MYO5A: variants seen among roughly 807,000 people sequenced by gnomAD.
MYO5A encodes myosin VA, also known as unconventional myosin-Va.
In MYO5A, 98 loss-of-function variants were observed where a neutral mutation model predicts 249.7. The observed-to-expected ratio is 0.39, with a 90% CI of 0.33 to 0.46. The LOEUF is 0.46. MYO5A is among the 20% of genes least tolerant of loss of function. MYO5A has a pLI of 0.98. For missense variants in MYO5A, 1,696 were observed against 2,308.8 expected (o/e 0.73, Z 5.44); for synonymous variants, 778 against 810.6 (o/e 0.96, Z 0.68).
intron 1 of MYO5A, among the ~76,000 whole-genome samples, chr15:52,520,031 G>C (rs780066066): frequency 3.0e-4 from 45 of 151,984 alleles, no homozygotes; most frequent in Non-Finnish European, 5.4e-4. Context: ...CACCTGGCCT[G>C]GCTTCTATTT....
At chr15:52,506,884 CTTG>C (rs940105044) in intron 1 of MYO5A, among the ~76,000 whole-genome samples, 7 of 152,284 alleles carry the variant, frequency 4.6e-5, no homozygotes, top group Admixed American at 2.6e-4. Flanking sequence ...ACCTTCTTAG[CTTG>C]TTAACTTTTC....
chr15:52,359,900 T>G, intron 25 of MYO5A, 68 bp downstream of exon 25: 1 of 1,127,712 alleles, frequency 8.9e-7, no homozygotes, highest in Middle Eastern at 2.3e-4. Flanking sequence ...TGCTTTGCAA[T>G]GGAAATGTTC....
chr15:52,495,166 T>A (rs1476920733), intron 1 of MYO5A, among the ~76,000 whole-genome samples: 1 of 152,042 alleles, frequency 6.6e-6, no homozygotes, highest in Admixed American at 6.5e-5. Context: ...CAGTAACAAA[T>A]GAATGGATAA....
intron 1 of MYO5A, among the ~76,000 whole-genome samples, chr15:52,500,461 C>T (rs944745221): frequency 6.6e-6 from 1 of 151,938 alleles, no homozygotes; most frequent in Non-Finnish European, 1.5e-5. Context: ...ATTCTCCTGC[C>T]TCAGCCTCCT....
chr15:52,429,797 G>T (rs753233288), intron 2 of MYO5A, among the ~76,000 whole-genome samples: 38 of 152,270 alleles, frequency 2.5e-4, no homozygotes, highest in Non-Finnish European at 4.9e-4. Context: ...AGAGATGGGG[G>T]TCTCACTATG....
intron 9 of MYO5A, among the ~76,000 whole-genome samples, chr15:52,400,629 G>C (rs1233976068): frequency 2.0e-5 from 3 of 152,126 alleles, no homozygotes; most frequent in Non-Finnish European, 4.4e-5. Flanking sequence ...ACTTTTTGAA[G>C]ACTCCTTCAG....
chr15:52,387,669 G>A, intron 14 of MYO5A, 160 bp downstream of exon 14: 3 of 614,558 alleles, frequency 4.9e-6, no homozygotes, highest in East Asian at 5.6e-5. Flanking sequence ...TTTAGAACAG[G>A]ACCTGACATG....
chr15:52,430,673 T>A (rs1368785602), intron 2 of MYO5A, among the ~76,000 whole-genome samples: 1 of 152,182 alleles, frequency 6.6e-6, no homozygotes, highest in East Asian at 1.9e-4. Flanking sequence ...TATCATTCTA[T>A]TTCTAGATTT....
At chr15:52,459,147 AT>A (rs531798708) in intron 1 of MYO5A, among the ~76,000 whole-genome samples, 1,757 of 64,204 alleles carry the variant, frequency 0.027, 37 homozygotes, top group African/African-American at 0.074. Flanking sequence ...TTTTCCAGAA[AT>A]TTTTTTTTTT....
Position 52,375,377 on chromosome 15 carries a change from T to C in MYO5A, c.2504A>G (p.Lys835Arg), listed in dbSNP as rs1363612638. The change falls in exon 20 of 42, where the codon AAG becomes AGG. Residue 835 changes from lysine to arginine, a missense_variant. This residue lies in a region of MYO5A where 412 missense variants were observed against 453.3 expected (regional missense o/e 0.91). Transcript: ENST00000399233. Reference sequence around the variant, plus strand: ...AACGATAGTGGCAGCTCGTCTAATCTTGTACCTCCTGCGGACCACATACAT... The same window carrying C: ...AACGATAGTGGCAGCTCGTCTAATCCTGTACCTCCTGCGGACCACATACAT... ...WRMYVVRRRY[K>R]IRRAATIVLQ... The C allele has an allele frequency of 1.9e-6, 3 of 1,614,162 alleles. No homozygotes were observed. Among genetic ancestry groups the C allele is most frequent in the East Asian group, 2.2e-5 (1 of 44,872 alleles).
At chr15:52,324,048 C>A (rs2038473531) in intron 36 of MYO5A, among the ~76,000 whole-genome samples, 1 of 134,140 alleles carries the variant, frequency 7.5e-6, no homozygotes, top group African/African-American at 2.7e-5. Context: ...AATCACCCAG[C>A]TACAGCTAGC....
intron 24 of MYO5A, among the ~76,000 whole-genome samples, chr15:52,361,086 C>T (rs1198986784): frequency 6.6e-6 from 1 of 152,150 alleles, no homozygotes; most frequent in Non-Finnish European, 1.5e-5. Context: ...GTAAAAGTCT[C>T]CCAGGCCAAC....
chr15:52,392,499 C>T (rs1015759296), intron 11 of MYO5A, among the ~76,000 whole-genome samples: 8 of 152,228 alleles, frequency 5.3e-5, no homozygotes, highest in African/African-American at 1.9e-4. Context: ...TAACAAAGTA[C>T]TTCTCCTAAG....
intron 1 of MYO5A, among the ~76,000 whole-genome samples, chr15:52,515,285 A>AG (rs1422828672): frequency 9.1e-6 from 1 of 109,348 alleles, no homozygotes; most frequent in African/African-American, 2.8e-5. Flanking sequence ...TCAAGAAAAA[A>AG]AAAAGAAAGA....
intron 40 of MYO5A, among the ~76,000 whole-genome samples, chr15:52,315,452 G>A (rs2037955127): frequency 6.6e-6 from 1 of 151,212 alleles, no homozygotes; most frequent in South Asian, 2.1e-4. Context: ...TTGGCTCACT[G>A]CCACTTCTGC....
chr15:52,475,187 A>G (rs1305223179), intron 1 of MYO5A, among the ~76,000 whole-genome samples: 1 of 152,204 alleles, frequency 6.6e-6, no homozygotes, highest in Non-Finnish European at 1.5e-5. Context: ...AGGTGTTTAC[A>G]GTATTCTCTG....
chr15:52,461,247 C>T (rs1007113044), intron 1 of MYO5A, among the ~76,000 whole-genome samples: 4 of 152,104 alleles, frequency 2.6e-5, no homozygotes, highest in African/African-American at 7.2e-5. Flanking sequence ...GCCACTGTGT[C>T]GGGCCAATAG....
chr15:52,437,594 C>CAAAAAA (rs57299562), intron 1 of MYO5A, among the ~76,000 whole-genome samples: 6 of 73,880 alleles, frequency 8.1e-5, no homozygotes, highest in Admixed American at 1.5e-4. Context: ...GACTCCATCT[C>CAAAAAA]AAAAAAAAAA....
chr15:52,463,414 CAT>C (rs2076292305), intron 1 of MYO5A, among the ~76,000 whole-genome samples: 1 of 152,098 alleles, frequency 6.6e-6, no homozygotes, highest in African/African-American at 2.4e-5. Context: ...TTTCTTAAGA[CAT>C]ATAAAACTAA....
Sources: gnomAD v4.1 joint callset for allele counts (sites outside exome capture counted in the v4.1 genomes callset) on GRCh38, gnomAD v4.1.1 for gene constraint, gnomAD v4.1.1 regional missense constraint, MANE v1.5 for transcripts, NCBI Gene and HGNC (gene_info 2026-07-23, HGNC 2026-07-21) for gene names.